TAMM41: variants seen among roughly 807,000 people sequenced by gnomAD.
TAMM41 encodes TAM41 mitochondrial translocator assembly and maintenance homolog, also known as phosphatidate cytidylyltransferase, mitochondrial.
In TAMM41, 36 loss-of-function variants were observed where a neutral mutation model predicts 44.1. The ratio of observed to expected loss-of-function variants is 0.82; its 90% confidence interval spans 0.63 to 1.08. The LOEUF is 1.08. Among genes scored for constraint, TAMM41 ranks in the 50% least tolerant of loss-of-function variants. The probability of loss-of-function intolerance (pLI) is 0.00; values close to 1 mark genes in which losing one functional copy is unlikely to be tolerated. For missense variants in TAMM41, 417 were observed against 404.3 expected (o/e 1.03, Z -0.27); for synonymous variants, 164 against 153.1 (o/e 1.07, Z -0.53).
chr3:11,762,112 G>A, the TAMM41 span, among the ~76,000 whole-genome samples: 1 of 151,984 alleles, frequency 6.6e-6, no homozygotes, highest in Non-Finnish European at 1.5e-5. Context: ...TCTCCACCCA[G>A]AGCCCTGCAG....
At chr3:11,819,492 CAG>C (rs2078425320) in intron 4 of TAMM41, among the ~76,000 whole-genome samples, 1 of 152,168 alleles carries the variant, frequency 6.6e-6, no homozygotes, top group African/African-American at 2.4e-5. Context: ...TGTCCAACAA[CAG>C]GGGAAAGAAT....
the TAMM41 span, among the ~76,000 whole-genome samples, chr3:11,778,680 T>C: frequency 2.0e-5 from 3 of 152,298 alleles, no homozygotes; most frequent in African/African-American, 7.2e-5. Context: ...GTCTTTTTTA[T>C]TTAGCCTTCC....
intron 3 of TAMM41, 37 bp from the exon 4 acceptor site, chr3:11,829,901 A>AAGTGG: frequency 6.2e-7 from 1 of 1,604,538 alleles, no homozygotes; most frequent in Non-Finnish European, 8.5e-7. Flanking sequence ...AAAATTCCAG[A>AAGTGG]AGTGGAGTAT....
chr3:11,729,257 T>C, the TAMM41 span, among the ~76,000 whole-genome samples: 2 of 152,178 alleles, frequency 1.3e-5, no homozygotes, highest in Non-Finnish European at 2.9e-5. Flanking sequence ...ATATTCTTGC[T>C]GTCTTTCCTA....
chr3:11,731,219 C>A, the TAMM41 span, among the ~76,000 whole-genome samples: 2,244 of 152,202 alleles, frequency 0.015, 46 homozygotes, highest in African/African-American at 0.051. Context: ...ACTAAATGAC[C>A]AGATTAGTCA....
chr3:11,726,607 GC>G, the TAMM41 span, among the ~76,000 whole-genome samples: 1 of 152,106 alleles, frequency 6.6e-6, no homozygotes, highest in Non-Finnish European at 1.5e-5. Context: ...TTTGAGACCA[GC>G]CTGGGCCAAC....
At chr3:11,821,593 G>A (rs184626836) in intron 4 of TAMM41, among the ~76,000 whole-genome samples, 1 of 152,294 alleles carries the variant, frequency 6.6e-6, no homozygotes, top group Admixed American at 6.5e-5. Flanking sequence ...CCAAGGGTTG[G>A]GGAACCCAGA....
chr3:11,760,448 C>T, the TAMM41 span, among the ~76,000 whole-genome samples: 2 of 152,094 alleles, frequency 1.3e-5, no homozygotes, highest in African/African-American at 4.8e-5. Flanking sequence ...CTAATTTCTT[C>T]CAATTTTAAT....
At chr3:11,783,117 G>T in the TAMM41 span, among the ~76,000 whole-genome samples, 1 of 152,236 alleles carries the variant, frequency 6.6e-6, no homozygotes, top group Non-Finnish European at 1.5e-5. Context: ...GAGTATAAAA[G>T]AATCTCACTG....
Position 11,799,238 on chromosome 3 carries a change from C to A in TAMM41, c.937+8595G>T, listed in dbSNP as rs73132960. Among the ~76,000 whole-genome samples the A allele has an allele frequency of 6.2e-3, 936 of 151,534 alleles. 7 individuals are homozygous for A. The highest frequency in any genetic ancestry group is 0.034 in the Middle Eastern group (10 of 294). ...ATACACCATTGCACTCTGGCCTGAG[C>A]TAGAACCTGTCTCCAAAAAAACAAA... On this transcript the variant is annotated intron_variant, in intron 7 of 7. Transcript: ENST00000455809.
intron 7 of TAMM41, among the ~76,000 whole-genome samples, chr3:11,806,605 A>C (rs920329032): frequency 2.0e-5 from 3 of 152,152 alleles, no homozygotes; most frequent in African/African-American, 4.8e-5. Flanking sequence ...ACCAAAGACT[A>C]ATCTAGGGGG....
chr3:11,794,190 G>A (rs569661158), intron 7 of TAMM41, among the ~76,000 whole-genome samples: 1 of 150,862 alleles, frequency 6.6e-6, no homozygotes, highest in African/African-American at 2.4e-5. Context: ...AGGTTGGAGT[G>A]CAGTGGCATA....
chr3:11,728,515 A>G, the TAMM41 span, among the ~76,000 whole-genome samples: 14 of 152,362 alleles, frequency 9.2e-5, no homozygotes, highest in South Asian at 2.9e-3. Flanking sequence ...GCACTCAATA[A>G]AAATTAATCC....
chr3:11,756,363 T>C, the TAMM41 span, among the ~76,000 whole-genome samples: 1 of 152,220 alleles, frequency 6.6e-6, no homozygotes, highest in Non-Finnish European at 1.5e-5. Context: ...TGCAGAGGAA[T>C]AGGCAGGACC....
At chr3:11,786,351 C>CCGGA (rs988774379), downstream of TAMM41, among the ~76,000 whole-genome samples, 4 of 149,912 alleles carry the variant, frequency 2.7e-5, no homozygotes, top group African/African-American at 9.8e-5. Context: ...GTCACTTAGG[C>CCGGA]CGGAGTACAG....
the TAMM41 span, among the ~76,000 whole-genome samples, chr3:11,778,110 C>CT: frequency 6.6e-6 from 1 of 152,200 alleles, no homozygotes; most frequent in East Asian, 1.9e-4. Context: ...GTATTTCACT[C>CT]TTTTTTATTG....
At chr3:11,725,678 A>G in the TAMM41 span, among the ~76,000 whole-genome samples, 80,048 of 151,850 alleles carry the variant, frequency 0.53, 22,187 homozygotes, top group African/African-American at 0.69. Context: ...GGGCTCAAGC[A>G]ATCATCCCAC....
At chr3:11,817,585 A>G (rs1385321786) in intron 4 of TAMM41, among the ~76,000 whole-genome samples, 1 of 152,214 alleles carries the variant, frequency 6.6e-6, no homozygotes, top group Non-Finnish European at 1.5e-5. Context: ...CTAGTTACAC[A>G]AGGTAATCAC....
rs529006437 is a variant in TAMM41, at chr3:11,808,431, T to C, written c.875-536A>G. On this transcript the variant is annotated intron_variant, in intron 6 of 7. Coordinates refer to ENST00000455809, the MANE Select transcript of TAMM41 (RefSeq NM_001284401.2). ...AGCTATCTTCAGGATGGGGAGCTGG[T>C]GACCTAAACACACACTCTGCAAACC... 5 of 950,788 alleles carry C rather than the reference T, an allele frequency of 5.3e-6. No individual in the cohort carries two copies. In the East Asian group the frequency reaches 5.8e-4, roughly 111 times the overall value. 58.9% of individuals were successfully genotyped at this position (950,788 alleles called of 1,614,324 possible).
Sources: allele counts gnomAD v4.1 joint callset (sites outside exome capture counted in the v4.1 genomes callset), GRCh38; gene constraint gnomAD v4.1.1; transcripts MANE v1.5; gene names NCBI Gene and HGNC (gene_info 2026-07-23, HGNC 2026-07-21).